The following SIN3A variants were observed in gnomAD, a reference collection of about 807,000 sequenced individuals.
The protein encoded by SIN3A is SIN3 transcription regulator family member A.
In SIN3A, 14 loss-of-function variants were observed where a neutral mutation model predicts 146.1. The observed-to-expected ratio is 0.10, with a 90% CI of 0.06 to 0.15. The LOEUF is 0.15. SIN3A is among the 10% of genes least tolerant of loss of function. The pLI, the probability that SIN3A is intolerant of heterozygous loss-of-function variation, is 1.00. For synonymous variants in SIN3A, 572 were observed against 572.0 expected, an observed-to-expected ratio of 1.00 and a Z score of 0.00; for missense variants, 1,028 against 1,576.0, an observed-to-expected ratio of 0.65 and a Z score of 5.89.
In SIN3A at chr15:75,375,966, AG is replaced by A. The variant is rs1365558028; in HGVS notation, c.3384-95del. 1.2e-5 allele frequency: 15 copies of A among 1,230,588 alleles called. No individual in the cohort carries two copies. The East Asian group carries it at 3.5e-4, about 29-fold the overall frequency. The allele number at this position is 1,230,588 out of a possible 1,614,324, so 76.2% of individuals were successfully genotyped here. On this transcript the variant is annotated intron_variant, in intron 19 of 20. Transcript: ENST00000394947. ...AGTTTTCTTTATTATATGCTTGCAT[AG>A]TACTCATCCCAATTTGTTAAATACA...
At position 75,371,837 on chromosome 15, in the gene SIN3A, C is replaced by T. The variant is rs2072756876; in HGVS notation, c.*142G>A. 7 of 697,014 alleles carry T rather than the reference C, an allele frequency of 1.0e-5. No individual in the cohort carries two copies. Among genetic ancestry groups the T allele is most frequent in the Non-Finnish European group, 1.7e-5 (7 of 407,284 alleles). The allele number at this position is 697,014 out of a possible 1,614,324, so 43.2% of individuals were successfully genotyped here. Reference sequence around the variant, plus strand: ...CCCACTTGGTGCCAGGCTGCACCAGCCACACACAGGTCAGGTGGCCATGTC... The same window carrying T: ...CCCACTTGGTGCCAGGCTGCACCAGTCACACACAGGTCAGGTGGCCATGTC... On this transcript the variant is annotated 3_prime_UTR_variant, in exon 21 of 21. Transcript: ENST00000394947.
At chr15:75,424,160 T>C (rs538346919) in intron 2 of SIN3A, among the ~76,000 whole-genome samples, 2 of 151,816 alleles carry the variant, frequency 1.3e-5, no homozygotes, top group East Asian at 2.0e-4. Flanking sequence ...CCGCCGGGCG[T>C]GGTGGCTCAT....
chr15:75,396,624 A>C lies in SIN3A; in HGVS notation c.1855-128T>G. 7 of 658,458 alleles carry C rather than the reference A, an allele frequency of 1.1e-5. No individual in the cohort carries two copies. In the South Asian group the frequency reaches 1.3e-4, roughly 13 times the overall value. 40.8% of individuals were successfully genotyped at this position (658,458 alleles called of 1,614,324 possible). A position where few individuals can be genotyped will look rare whatever the true frequency, so the allele number is the denominator to read the frequency against. ...ATCCTGGTTCTGCCCTACTAGCTAC[A>C]TAAGACTGTTTCTTTATCAGCAAAA... On this transcript the variant is annotated intron_variant, in intron 12 of 20. Coordinates refer to ENST00000394947, the MANE Select transcript of SIN3A (RefSeq NM_001145358.2).
chr15:75,417,296 C>T (rs1468287845), intron 3 of SIN3A, among the ~76,000 whole-genome samples: 1 of 151,676 alleles, frequency 6.6e-6, no homozygotes, highest in Non-Finnish European at 1.5e-5. Flanking sequence ...TAACTGAAGC[C>T]TAAATATTTA....
At chr15:75,372,509 C>T (rs1274519590) in intron 20 of SIN3A, among the ~76,000 whole-genome samples, 1 of 151,956 alleles carries the variant, frequency 6.6e-6, no homozygotes, top group Admixed American at 6.6e-5. Flanking sequence ...TTAGTATAAC[C>T]GAGGGAATGT....
chr15:75,399,147 A>G (rs551499928), intron 12 of SIN3A, among the ~76,000 whole-genome samples: 1 of 151,712 alleles, frequency 6.6e-6, no homozygotes, highest in South Asian at 2.1e-4. Context: ...TTGAGTCTGG[A>G]AGGTTGAGGC....
chr15:75,436,459 A>G (rs1439104352), intron 1 of SIN3A: 1 of 152,150 alleles, frequency 6.6e-6, no homozygotes, highest in Non-Finnish European at 1.5e-5. Flanking sequence ...CAAAAAAGAA[A>G]AATGCTATAA....
Position 75,430,371 on chromosome 15 carries a change from T to C in SIN3A, c.5A>G (p.Lys2Arg). Residue 2 changes from lysine to arginine, a missense_variant, in exon 2 of 21, where the codon AAG becomes AGG. Transcript: ENST00000394947. Reference protein sequence around the residue: MKRRLDDQESPV... With the variant: MRRRLDDQESPV... Reference sequence around the variant, plus strand: ...TGACTCCTGGTCATCCAAACGCCGCTTCATTCTGTGCTCATGCTCAGGGAT... The same window carrying C: ...TGACTCCTGGTCATCCAAACGCCGCCTCATTCTGTGCTCATGCTCAGGGAT... The C allele has an allele frequency of 6.2e-7, 1 of 1,609,316 alleles. No individual in the cohort carries two copies. Among genetic ancestry groups the C allele is most frequent in the Non-Finnish European group, 8.5e-7 (1 of 1,177,890 alleles).
intron 1 of SIN3A, among the ~76,000 whole-genome samples, chr15:75,436,117 G>T (rs1429121751): frequency 2.7e-5 from 4 of 149,770 alleles, no homozygotes; most frequent in Non-Finnish European, 4.4e-5. Context: ...CTGGGCAACA[G>T]AGTGAGACTC....
intron 17 of SIN3A, among the ~76,000 whole-genome samples, chr15:75,383,147 C>T (rs1179881469): frequency 2.0e-5 from 3 of 151,528 alleles, no homozygotes; most frequent in African/African-American, 7.3e-5. Context: ...TGGTACATGA[C>T]TGTAATCCCA....
chr15:75,390,188 CA>C (rs1277253753), intron 15 of SIN3A, among the ~76,000 whole-genome samples: 4 of 152,164 alleles, frequency 2.6e-5, no homozygotes, highest in Non-Finnish European at 5.9e-5. Context: ...CCAGCCTGCA[CA>C]AGAGCATTCC....
intron 10 of SIN3A, 21 bp from the exon 11 acceptor site, chr15:75,400,961 G>A: frequency 6.3e-7 from 1 of 1,576,272 alleles, no homozygotes; most frequent in Non-Finnish European, 8.7e-7. Flanking sequence ...AAACCAAAAA[G>A]TGACAAGCAA....
intron 1 of SIN3A, among the ~76,000 whole-genome samples, chr15:75,439,247 C>T (rs145511525): frequency 1.3e-3 from 194 of 152,204 alleles, no homozygotes; most frequent in Non-Finnish European, 2.2e-3. Flanking sequence ...ACAATGCACA[C>T]GACAGTCTCC....
In SIN3A at chr15:75,437,228, A is replaced by T. The variant is rs185025295; in HGVS notation, c.-33-6820T>A. ...CATTATGTCCACCAGGCTGGAGTGC[A>T]GCAGGGCTATCACGGCTCACCGCAT... On this transcript the variant is annotated intron_variant, in intron 1 of 20. Transcript: ENST00000394947. 2.0e-5 allele frequency among the ~76,000 whole-genome samples: 3 copies of T among 151,316 alleles called. No individual in the cohort carries two copies. The East Asian group carries it at 5.8e-4, about 29-fold the overall frequency.
Position 75,419,009 on chromosome 15 carries a change from G to A in SIN3A, c.366+3638C>T, listed in dbSNP as rs925945147. On this transcript the variant is annotated intron_variant, in intron 3 of 20. Transcript: ENST00000394947. Reference sequence around the variant, plus strand: ...CCTGACCTCGTGATCTGCCCGCCTCGGCCTCTTAAAGTGCTAGGATTACAG... The same window carrying A: ...CCTGACCTCGTGATCTGCCCGCCTCAGCCTCTTAAAGTGCTAGGATTACAG... Among the ~76,000 whole-genome samples the A allele has an allele frequency of 2.7e-4, 41 of 149,666 alleles. 2 individuals are homozygous for A. The highest frequency in any genetic ancestry group is 2.0e-4 in the East Asian group (1 of 4,954).
At chr15:75,455,345 G>A (rs1427101866), upstream of SIN3A, among the ~76,000 whole-genome samples, 2 of 152,102 alleles carry the variant, frequency 1.3e-5, no homozygotes, top group African/African-American at 4.8e-5. Flanking sequence ...CCGCAGCTCC[G>A]GCCCGGTTCT....
chr15:75,398,191 A>G (rs2073339597), intron 12 of SIN3A, among the ~76,000 whole-genome samples: 1 of 152,256 alleles, frequency 6.6e-6, no homozygotes, highest in Non-Finnish European at 1.5e-5. Context: ...GATACACTAA[A>G]TAGGATACGT....
chr15:75,402,690 A>G (rs1214755016), intron 9 of SIN3A, among the ~76,000 whole-genome samples: 1 of 152,012 alleles, frequency 6.6e-6, no homozygotes, highest in Admixed American at 6.6e-5. Flanking sequence ...GCTGAAGTGC[A>G]GTGGTGCGAT....
Position 75,380,244 on chromosome 15 carries a change from G to A in SIN3A, c.3383+385C>T, listed in dbSNP as rs972832327. The stretch of plus-strand genomic sequence containing the variant: ...ACTGGGAGAGGATTCTAGGAAGCTT[G>A]AGCCTGGCTTCCTCCAGCTTTGCCA... On this transcript the variant is annotated intron_variant, in intron 19 of 20. Coordinates refer to ENST00000394947, the MANE Select transcript of SIN3A (RefSeq NM_001145358.2). Among the ~76,000 whole-genome samples the A allele has an allele frequency of 2.0e-5, 3 of 152,334 alleles. No homozygotes were observed. In the East Asian group the frequency reaches 5.8e-4, roughly 29 times the overall value.
Sources: allele counts gnomAD v4.1 joint callset (sites outside exome capture counted in the v4.1 genomes callset), GRCh38; gene constraint gnomAD v4.1.1; transcripts MANE v1.5; gene names NCBI Gene and HGNC (gene_info 2026-07-23, HGNC 2026-07-21).